The following KIAA0825 variants were observed in gnomAD, a reference collection of about 807,000 sequenced individuals.
The protein encoded by KIAA0825 is KIAA0825, also known as uncharacterized protein KIAA0825.
In KIAA0825, 119 loss-of-function variants were observed where a neutral mutation model predicts 147.6. The observed-to-expected ratio is 0.81, with a 90% CI of 0.69 to 0.94. KIAA0825 has a LOEUF of 0.94. KIAA0825 is among the 40% of genes least tolerant of loss of function. The pLI is 0.00. For missense variants in KIAA0825, 1,381 were observed against 1,472.7 expected, an observed-to-expected ratio of 0.94 and a Z score of 1.02; for synonymous variants, 470 against 518.1, an observed-to-expected ratio of 0.91 and a Z score of 1.26.
chr5:94,341,167 T>C (rs541908284), intron 20 of KIAA0825, among the ~76,000 whole-genome samples: 1 of 152,334 alleles, frequency 6.6e-6, no homozygotes, highest in African/African-American at 2.4e-5. Context: ...ATGATGTTTA[T>C]AGAAAAAATA....
chr5:94,544,827 G>T (rs1015227090), intron 2 of KIAA0825, among the ~76,000 whole-genome samples: 1 of 152,064 alleles, frequency 6.6e-6, no homozygotes, highest in Non-Finnish European at 1.5e-5. Flanking sequence ...TGTCACCAAG[G>T]GTTCTCCGTG....
At chr5:94,519,579 A>G (rs1313563667) in intron 5 of KIAA0825, 2 of 592,676 alleles carry the variant, frequency 3.4e-6, no homozygotes, top group Non-Finnish European at 2.1e-6. Flanking sequence ...TATAGAAAAA[A>G]TAGTAGAGAA....
In KIAA0825 at chr5:94,489,612, A is replaced by G. The variant is rs185870989; in HGVS notation, c.971-4682T>C. ...ACAAACTCCACTTTTTTGGCTAGAC[A>G]TGGTGGCTCACACCTGTAATCCCAG... is the stretch of plus-strand genomic sequence containing the variant. On this transcript the variant is annotated intron_variant, in intron 5 of 20. Transcript: ENST00000682413. Among the ~76,000 whole-genome samples, 142 of 151,460 alleles carry G rather than the reference A, an allele frequency of 9.4e-4. No individual in the cohort carries two copies. The Middle Eastern group carries it at 0.014, about 15-fold the overall frequency.
chr5:94,177,513 A>G (rs1180587551), intron 20 of KIAA0825, among the ~76,000 whole-genome samples: 1 of 152,096 alleles, frequency 6.6e-6, no homozygotes, highest in Non-Finnish European at 1.5e-5. Flanking sequence ...GAGAACAGCC[A>G]CTTCTAAAAC....
intron 5 of KIAA0825, among the ~76,000 whole-genome samples, chr5:94,490,694 A>G (rs1229653593): frequency 6.6e-6 from 1 of 152,108 alleles, no homozygotes; most frequent in East Asian, 1.9e-4. Flanking sequence ...AAATATATAT[A>G]TAGGTATTAT....
At chr5:94,261,674 C>T (rs1468992339) in intron 20 of KIAA0825, among the ~76,000 whole-genome samples, 5 of 152,056 alleles carry the variant, frequency 3.3e-5, no homozygotes, top group African/African-American at 1.2e-4. Flanking sequence ...AGGAGCTCTC[C>T]ATCTTAGTGA....
At chr5:94,405,660 A>G (rs1183571211) in intron 15 of KIAA0825, among the ~76,000 whole-genome samples, 1 of 152,158 alleles carries the variant, frequency 6.6e-6, no homozygotes, top group African/African-American at 2.4e-5. Context: ...CTCTGGTCTA[A>G]TTTTCTCACT....
At chr5:94,392,256 T>C (rs1749997817) in intron 17 of KIAA0825, among the ~76,000 whole-genome samples, 1 of 152,206 alleles carries the variant, frequency 6.6e-6, no homozygotes, top group Non-Finnish European at 1.5e-5. Context: ...TTGACACTTG[T>C]TGCCTTTTAA....
At chr5:94,392,748 A>G (rs1750070567) in intron 17 of KIAA0825, among the ~76,000 whole-genome samples, 1 of 152,204 alleles carries the variant, frequency 6.6e-6, no homozygotes, top group Non-Finnish European at 1.5e-5. Context: ...ACTGAACCAA[A>G]TGACACCCAG....
At chr5:94,511,274 T>A (rs544661069) in intron 5 of KIAA0825, among the ~76,000 whole-genome samples, 43 of 152,296 alleles carry the variant, frequency 2.8e-4, no homozygotes, top group African/African-American at 1.0e-3. Flanking sequence ...GACTATGGTA[T>A]TTTTGTTATA....
chr5:94,162,145 T>C (rs1430977092), intron 20 of KIAA0825, among the ~76,000 whole-genome samples: 2 of 152,214 alleles, frequency 1.3e-5, no homozygotes, highest in African/African-American at 4.8e-5. Flanking sequence ...CTTAACTTGA[T>C]ACTTTTAAAG....
intron 2 of KIAA0825, among the ~76,000 whole-genome samples, chr5:94,539,122 C>T (rs1046157169): frequency 6.6e-6 from 1 of 152,108 alleles, no homozygotes; most frequent in African/African-American, 2.4e-5. Context: ...CCCATTAAAC[C>T]AAGATGGCCA....
intron 20 of KIAA0825, among the ~76,000 whole-genome samples, chr5:94,365,554 C>T (rs1414719330): frequency 6.6e-6 from 1 of 152,182 alleles, no homozygotes; most frequent in Non-Finnish European, 1.5e-5. Context: ...TTTGTGGCCA[C>T]AACTTCCTGA....
At chr5:94,514,315 T>G (rs1267874311) in intron 5 of KIAA0825, among the ~76,000 whole-genome samples, 3 of 152,160 alleles carry the variant, frequency 2.0e-5, no homozygotes, top group Non-Finnish European at 4.4e-5. Context: ...TTTCTATTCA[T>G]GTATTAGTAT....
intron 1 of KIAA0825, among the ~76,000 whole-genome samples, chr5:94,608,510 T>A (rs1212763279): frequency 2.6e-5 from 1 of 37,982 alleles, no homozygotes; most frequent in Non-Finnish European, 4.9e-5. Flanking sequence ...TATATATATT[T>A]TTTTTTAGAG....
Position 94,297,096 on chromosome 5 carries a change from G to A in KIAA0825, c.3710+87272C>T, listed in dbSNP as rs563101643. ...CTTTAATAAACATTTTATTCAACAT[G>A]GAAGTTAATTCAGAGAACTTAATGT... is the stretch of plus-strand genomic sequence containing the variant. On this transcript the variant is annotated intron_variant, in intron 20 of 20. Coordinates refer to ENST00000682413, the MANE Select transcript of KIAA0825 (RefSeq NM_001145678.3). 3.3e-5 allele frequency among the ~76,000 whole-genome samples: 5 copies of A among 152,204 alleles called. No individual in the cohort carries two copies. In the South Asian group the frequency reaches 6.2e-4, roughly 19 times the overall value.
intron 20 of KIAA0825, among the ~76,000 whole-genome samples, chr5:94,306,428 A>T (rs1778737507): frequency 6.6e-6 from 1 of 151,912 alleles, no homozygotes; most frequent in Non-Finnish European, 1.5e-5. Context: ...ACTCCCTGAG[A>T]AAAATCCAGC....
chr5:94,532,194 C>T lies in KIAA0825; in HGVS notation c.131+4802G>A, dbSNP rs189576461. ...ACAGGGTCTCACATTGTTGCCCAGG[C>T]GGTAGCGCAGTGGTGCAACGAGAGC... On this transcript the variant is annotated intron_variant, in intron 3 of 20. Transcript: ENST00000682413. Among the ~76,000 whole-genome samples the T allele has an allele frequency of 7.0e-4, 107 of 152,224 alleles. 1 individual carries two copies. The East Asian group carries it at 0.018, about 26-fold the overall frequency.
chr5:94,443,174 A>C (rs1757302291), intron 13 of KIAA0825, among the ~76,000 whole-genome samples: 1 of 152,094 alleles, frequency 6.6e-6, no homozygotes. Flanking sequence ...TATGAGGAAA[A>C]ATAAAATAGT....
Sources: allele counts gnomAD v4.1 joint callset (sites outside exome capture counted in the v4.1 genomes callset), GRCh38; gene constraint gnomAD v4.1.1; transcripts MANE v1.5; gene names NCBI Gene and HGNC (gene_info 2026-07-23, HGNC 2026-07-21).